The following TXNRD2 variants were observed in gnomAD, a reference collection of about 807,000 sequenced individuals.
The protein encoded by TXNRD2 is thioredoxin reductase 2, mitochondrial.
TXNRD2 carries 67 observed loss-of-function variants against 70.8 expected under a neutral mutation model. The observed-to-expected ratio is 0.95, with a 90% confidence interval of 0.78 to 1.16. TXNRD2 has a LOEUF of 1.16. Ranked by LOEUF, TXNRD2 falls within the 50% of genes most tolerant of loss-of-function variation. The pLI is 0.00. For missense variants in TXNRD2, 644 were observed against 719.9 expected, an observed-to-expected ratio of 0.89 and a Z score of 1.21; for synonymous variants, 301 against 295.8, an observed-to-expected ratio of 1.02 and a Z score of -0.18.
At chr22:19,916,947 G>C in intron 5 of TXNRD2, among the ~76,000 whole-genome samples, 1 of 152,168 alleles carries the variant, frequency 6.6e-6, no homozygotes, top group East Asian at 1.9e-4. Flanking sequence ...CTGCAGCAAG[G>C]GTTCTGGGAA....
intron 2 of TXNRD2, 90 bp from the exon 3 acceptor site, chr22:19,919,689 G>A (rs1293029467): frequency 7.6e-7 from 1 of 1,318,900 alleles, no homozygotes; most frequent in African/African-American, 1.4e-5. Flanking sequence ...AGGTCCAGAA[G>A]AGTGTGGGCA....
chr22:19,907,579 G>A (rs1204621389), intron 8 of TXNRD2, among the ~76,000 whole-genome samples: 2 of 45,278 alleles, frequency 4.4e-5, no homozygotes, highest in African/African-American at 2.1e-4. Context: ...GGCGCCGTGG[G>A]TAGCAGTGAC....
chr22:19,925,889 G>C (rs148314318), intron 2 of TXNRD2, among the ~76,000 whole-genome samples: 1 of 148,852 alleles, frequency 6.7e-6, no homozygotes, highest in Non-Finnish European at 1.5e-5. Context: ...GTGCAGGGCC[G>C]GGCATGGTGG....
At chr22:19,888,535 C>T (rs539140099) in intron 11 of TXNRD2, among the ~76,000 whole-genome samples, 6 of 152,240 alleles carry the variant, frequency 3.9e-5, no homozygotes, top group Admixed American at 3.9e-4. Context: ...AAGGAGGCAG[C>T]GCCCCAGGTG....
intron 2 of TXNRD2, among the ~76,000 whole-genome samples, chr22:19,924,191 C>T (rs1390973048): frequency 2.0e-5 from 3 of 151,964 alleles, no homozygotes; most frequent in African/African-American, 7.3e-5. Context: ...ATTAGTGTAT[C>T]CCCAGACCCT....
chr22:19,911,007 A>T, intron 8 of TXNRD2: 2 of 325,226 alleles, frequency 6.1e-6, no homozygotes, highest in South Asian at 5.1e-5. Flanking sequence ...CCTGGGAGGC[A>T]GGGATTGCAG....
chr22:19,880,113 G>T, intron 14 of TXNRD2, 66 bp downstream of exon 14: 1 of 1,540,686 alleles, frequency 6.5e-7, no homozygotes, highest in Non-Finnish European at 8.9e-7. Context: ...CAAGGCCTCC[G>T]CCCAGAGCAT....
intron 15 of TXNRD2, 38 bp downstream of exon 15, chr22:19,878,328 C>G: frequency 9.9e-6 from 16 of 1,611,104 alleles, no homozygotes; most frequent in Non-Finnish European, 1.4e-5. Flanking sequence ...GCCACCCTCC[C>G]TCTCATCCTC....
rs953205840 is a variant in TXNRD2, at chr22:19,918,802, C to T, written c.374+58G>A. On this transcript the variant is annotated intron_variant, in intron 4 of 17. Coordinates refer to ENST00000400521, the MANE Select transcript of TXNRD2 (RefSeq NM_006440.5). The stretch of plus-strand genomic sequence containing the variant: ...GCTCATCGAGGATAAGCCTCCTCTT[C>T]CTCTTCCACCCAAGAGTAGAAGAAA... 35 of 1,590,982 alleles carry T rather than the reference C, an allele frequency of 2.2e-5. 2 individuals are homozygous for T. In the South Asian group the frequency reaches 3.9e-4, roughly 18 times the overall value.
chr22:19,875,906 TG>T (rs140877087), intron 17 of TXNRD2, 99 bp from the exon 18 acceptor site: 1 of 152,254 alleles, frequency 6.6e-6, no homozygotes, highest in African/African-American at 2.4e-5. Context: ...CCAAGGGAGA[TG>T]GGTGAGAAAT....
chr22:19,899,387 G>T (rs983195606), intron 8 of TXNRD2, among the ~76,000 whole-genome samples: 6 of 152,190 alleles, frequency 3.9e-5, no homozygotes, highest in Non-Finnish European at 8.8e-5. Context: ...CTCCCCCCGG[G>T]GCCTCCTGGG....
At chr22:19,879,202 C>T (rs1301570590) in intron 14 of TXNRD2, among the ~76,000 whole-genome samples, 1 of 152,234 alleles carries the variant, frequency 6.6e-6, no homozygotes, top group Non-Finnish European at 1.5e-5. Flanking sequence ...CTGTCAGGCC[C>T]GTCCTGTTGA....
At chr22:19,889,181 C>T (rs758714601) in intron 11 of TXNRD2, among the ~76,000 whole-genome samples, 2 of 152,170 alleles carry the variant, frequency 1.3e-5, no homozygotes, top group Non-Finnish European at 2.9e-5. Context: ...AAGGGCCTTT[C>T]CTACTCAAGC....
chr22:19,898,700 G>C (rs1939634138), intron 9 of TXNRD2, among the ~76,000 whole-genome samples: 2 of 152,004 alleles, frequency 1.3e-5, no homozygotes, highest in Non-Finnish European at 2.9e-5. Context: ...ATCTCCCTCA[G>C]ATGTCCCCTT....
rs2145927851 is a variant in TXNRD2, at chr22:19,878,412, A to G, written c.1301T>C (p.Leu434Pro). 1 of 1,613,764 alleles carries G rather than the reference A, an allele frequency of 6.2e-7. No individual in the cohort carries two copies. The highest frequency in any genetic ancestry group is 8.5e-7 in the Non-Finnish European group (1 of 1,180,028). ...VEVYHAHYKPLEFTVAGRDAS... is the reference protein window; with the variant it reads ...VEVYHAHYKPPEFTVAGRDAS... ...ATCTCGTCCAGCCACCGTGAACTCC[A>G]GTGGTTTATAATGGGCGTGATAGAC... Residue 434 changes from leucine to proline, a missense_variant, in exon 15 of 18, where the codon CTG (leucine) becomes CCG (proline). Physicochemically the swap from Leu to Pro is moderately conservative, Grantham distance 98. Around this residue, in one of 3 missense-constraint regions of TXNRD2, gnomAD observed 566 missense variants for 645.0 expected, o/e 0.88. Coordinates refer to ENST00000400521, the MANE Select transcript of TXNRD2 (RefSeq NM_006440.5).
chr22:19,915,421 T>A (rs758651509), intron 6 of TXNRD2, 145 bp from the exon 7 acceptor site: 43 of 840,162 alleles, frequency 5.1e-5, no homozygotes, highest in Non-Finnish European at 8.0e-5. Flanking sequence ...TCAGAGGCCC[T>A]ATGGAGCTGG....
In TXNRD2 at chr22:19,915,243, T is replaced by G. The variant is rs374133688; in HGVS notation, c.562A>C (p.Thr188Pro). The G allele has an allele frequency of 1.2e-6, 2 of 1,613,632 alleles. No homozygotes were observed. Among genetic ancestry groups the G allele is most frequent in the Non-Finnish European group, 1.7e-6 (2 of 1,179,922 alleles). The stretch of plus-strand genomic sequence containing the variant: ...GTGGGGTATCTCGGCCGCCCTCCAG[T>G]AGCAATGATGATGTGATCGGCTGAC... ...LLSADHIIIATGGRPRYPTHI... is the reference protein window; with the variant it reads ...LLSADHIIIAPGGRPRYPTHI... Residue 188 changes from threonine (T) to proline (P), a missense_variant, in exon 7 of 18, where the codon ACT becomes CCT. By Grantham distance (38) the Thr-to-Pro change is conservative. This residue lies in a region of TXNRD2 where 566 missense variants were observed against 645.0 expected (regional missense o/e 0.88). Coordinates refer to ENST00000400521, the MANE Select transcript of TXNRD2 (RefSeq NM_006440.5).
rs5748470 is a variant in TXNRD2, at chr22:19,919,595, G to A, written c.177C>T (p.Ala59=). Residue 59 remains alanine, a synonymous_variant, in exon 3 of 18, where the codon GCC becomes GCT. Coordinates refer to ENST00000400521, the MANE Select transcript of TXNRD2 (RefSeq NM_006440.5). ...SGGLACAKEA[A]QLGRKVAVVD... ...CCACGGCCACCTTCCTTCCCAGCTG[G>A]GCGGCTGGAAGGATAAGGAGAGCAG... The A allele has an allele frequency of 0.52, 814,039 of 1,557,060 alleles. 218,572 individuals are homozygous for A. Among genetic ancestry groups the A allele is most frequent in the East Asian group, 0.86 (35,343 of 40,944 alleles).
At chr22:19,902,116 G>A (rs923486210) in intron 8 of TXNRD2, among the ~76,000 whole-genome samples, 1 of 152,208 alleles carries the variant, frequency 6.6e-6, no homozygotes, top group Non-Finnish European at 1.5e-5. Flanking sequence ...AGGATCACTT[G>A]AGCCTAGGAG....
Sources: gnomAD v4.1 joint callset for allele counts (sites outside exome capture counted in the v4.1 genomes callset) on GRCh38, gnomAD v4.1.1 for gene constraint, gnomAD v4.1.1 regional missense constraint, MANE v1.5 for transcripts, NCBI Gene and HGNC (gene_info 2026-07-23, HGNC 2026-07-21) for gene names.